OSBP2: variants seen among roughly 807,000 people sequenced by gnomAD.
The protein encoded by OSBP2 is oxysterol binding protein 2.
A neutral mutation model predicts 96.0 loss-of-function variants in OSBP2; 66 were observed. The observed-to-expected ratio is 0.69, with a 90% confidence interval of 0.56 to 0.84. The LOEUF is 0.84. Ranked by LOEUF, OSBP2 falls within the 40% of genes least tolerant of loss-of-function variation. The pLI is 0.00. For missense variants in OSBP2, 1,038 were observed against 1,222.7 expected (o/e 0.85, Z 2.25); for synonymous variants, 525 against 520.9 (o/e 1.01, Z -0.11).
intron 2 of OSBP2, among the ~76,000 whole-genome samples, chr22:30,826,049 G>A (rs2038398179): frequency 6.6e-6 from 1 of 152,096 alleles, no homozygotes; most frequent in South Asian, 2.1e-4. Flanking sequence ...TCTGTGAGTG[G>A]CTGTGATGTG....
chr22:30,715,594 C>A (rs2145693630), intron 1 of OSBP2, among the ~76,000 whole-genome samples: 1 of 151,548 alleles, frequency 6.6e-6, no homozygotes. Flanking sequence ...TCTTGTTGCC[C>A]AGGCTGGAGT....
chr22:30,869,224 G>A (rs2039409955), intron 2 of OSBP2, among the ~76,000 whole-genome samples: 1 of 152,172 alleles, frequency 6.6e-6, no homozygotes, highest in African/African-American at 2.4e-5. Context: ...GTGGGAGCTG[G>A]CAGAGGGCAC....
At chr22:30,804,704 C>T (rs776158889) in intron 2 of OSBP2, among the ~76,000 whole-genome samples, 1 of 152,276 alleles carries the variant, frequency 6.6e-6, no homozygotes, top group East Asian at 1.9e-4. Context: ...TTACATTATT[C>T]TTGACCACTT....
chr22:30,745,957 T>C (rs1176389315), intron 2 of OSBP2, among the ~76,000 whole-genome samples: 1 of 152,082 alleles, frequency 6.6e-6, no homozygotes, highest in African/African-American at 2.4e-5. Context: ...TGGATGCAAA[T>C]GGACAAACTC....
intron 2 of OSBP2, among the ~76,000 whole-genome samples, chr22:30,795,380 G>T (rs907621673): frequency 9.9e-5 from 15 of 152,186 alleles, no homozygotes; most frequent in Admixed American, 9.8e-4. Flanking sequence ...AACTGCTTCT[G>T]AACCTGTTCT....
Position 30,887,592 on chromosome 22 carries a change from C to A in OSBP2, c.1274C>A (p.Ala425Asp), listed in dbSNP as rs775468125. ...TTCCACAGTGCCCCTGGCCGGCCGG[C>A]CAACCCCTCCAAGAGCTTCATTGAG... ...RAFHSAPGRP[A>D]NPSKSFIEGS... The change falls in exon 4 of 14, where the codon GCC (alanine) becomes GAC (aspartate). Residue 425 changes from alanine (A) to aspartate (D), a missense_variant. This residue lies in a region of OSBP2 where 737 missense variants were observed against 913.3 expected (regional missense o/e 0.81). Coordinates refer to ENST00000332585, the MANE Select transcript of OSBP2 (RefSeq NM_030758.4). 1.4e-5 allele frequency: 22 copies of A among 1,606,454 alleles called. No homozygotes were observed. Among genetic ancestry groups the A allele is most frequent in the Non-Finnish European group, 1.8e-5 (21 of 1,177,206 alleles).
chr22:30,824,273 G>GT (rs1285140363), intron 2 of OSBP2, among the ~76,000 whole-genome samples: 1 of 152,192 alleles, frequency 6.6e-6, no homozygotes, highest in Non-Finnish European at 1.5e-5. Context: ...TCAGGAAGTT[G>GT]TGTGTTGGTG....
intron 2 of OSBP2, among the ~76,000 whole-genome samples, chr22:30,805,444 A>T (rs1167047219): frequency 6.6e-6 from 1 of 152,212 alleles, no homozygotes; most frequent in Non-Finnish European, 1.5e-5. Flanking sequence ...GAGAGACCTG[A>T]GTTTGAATCC....
At chr22:30,807,015 T>C (rs2090938043) in intron 2 of OSBP2, among the ~76,000 whole-genome samples, 1 of 152,226 alleles carries the variant, frequency 6.6e-6, no homozygotes, top group African/African-American at 2.4e-5. Flanking sequence ...TAAACTTGAA[T>C]TGTTTAAGAG....
chr22:30,714,693 T>C (rs1181166404), intron 1 of OSBP2, among the ~76,000 whole-genome samples: 1 of 152,176 alleles, frequency 6.6e-6, no homozygotes, highest in East Asian at 1.9e-4. Context: ...CTTGGCTTAC[T>C]GCAACCTCTG....
At chr22:30,868,769 G>A (rs1007471815) in intron 2 of OSBP2, among the ~76,000 whole-genome samples, 2 of 152,200 alleles carry the variant, frequency 1.3e-5, no homozygotes, top group Admixed American at 1.3e-4. Context: ...CTTGGCTTGG[G>A]CCCCATGCAG....
chr22:30,830,829 T>C (rs1248951813), intron 2 of OSBP2, among the ~76,000 whole-genome samples: 2 of 152,138 alleles, frequency 1.3e-5, no homozygotes, highest in Admixed American at 1.3e-4. Context: ...TTTAGGTCTC[T>C]ATTTTTGGTC....
intron 1 of OSBP2, among the ~76,000 whole-genome samples, chr22:30,711,624 G>C (rs1290586526): frequency 6.6e-6 from 1 of 151,544 alleles, no homozygotes; most frequent in Non-Finnish European, 1.5e-5. Context: ...CCTGTGGTCC[G>C]AGCTACTCAG....
intron 3 of OSBP2, among the ~76,000 whole-genome samples, chr22:30,885,873 C>CAGGGTGG (rs1569165735): frequency 1.3e-5 from 2 of 152,214 alleles, no homozygotes; most frequent in Admixed American, 1.3e-4. Flanking sequence ...GCATCCTGAC[C>CAGGGTGG]GTGGGAGGCC....
intron 2 of OSBP2, among the ~76,000 whole-genome samples, chr22:30,765,373 C>T (rs1469031768): frequency 6.6e-6 from 1 of 152,068 alleles, no homozygotes; most frequent in African/African-American, 2.4e-5. Context: ...CCATGCCTGG[C>T]TAATTTTTGT....
intron 2 of OSBP2, among the ~76,000 whole-genome samples, chr22:30,850,238 C>T (rs1416282588): frequency 2.7e-5 from 4 of 148,708 alleles, no homozygotes; most frequent in African/African-American, 7.4e-5. Context: ...ACCCAGGAGG[C>T]GGAGGTTGCA....
At chr22:30,700,681 G>A (rs932566350) in intron 1 of OSBP2, among the ~76,000 whole-genome samples, 4 of 152,128 alleles carry the variant, frequency 2.6e-5, no homozygotes, top group African/African-American at 2.4e-5. Context: ...TTTATTTATT[G>A]TTCATACTGA....
intron 2 of OSBP2, among the ~76,000 whole-genome samples, chr22:30,840,238 G>A (rs1252806101): frequency 6.7e-6 from 1 of 148,272 alleles, no homozygotes; most frequent in Non-Finnish European, 1.5e-5. Flanking sequence ...AACTTAAAGT[G>A]CATCTTGTTG....
At chr22:30,873,296 C>T (rs1469967083) in intron 3 of OSBP2, among the ~76,000 whole-genome samples, 6 of 152,166 alleles carry the variant, frequency 3.9e-5, no homozygotes, top group Non-Finnish European at 8.8e-5. Flanking sequence ...AGGCCCCCTC[C>T]TGCTGTGGCT....
Sources: gnomAD v4.1 joint callset for allele counts (sites outside exome capture counted in the v4.1 genomes callset) on GRCh38, gnomAD v4.1.1 for gene constraint, gnomAD v4.1.1 regional missense constraint, MANE v1.5 for transcripts, NCBI Gene and HGNC (gene_info 2026-07-23, HGNC 2026-07-21) for gene names.